FSTL1: variants seen among roughly 807,000 people sequenced by gnomAD.
FSTL1 encodes follistatin like 1.
FSTL1 carries 24 observed loss-of-function variants against 45.9 expected under a neutral mutation model. That is an observed-to-expected ratio of 0.52 (90% CI 0.38 to 0.74). The LOEUF (loss-of-function observed/expected upper bound fraction) is 0.74, where lower values mean the gene tolerates loss of function less well. Ranked by LOEUF, FSTL1 falls within the 30% of genes least tolerant of loss-of-function variation. The pLI is 0.00. For synonymous variants in FSTL1, 120 were observed against 137.6 expected (o/e 0.87, Z 0.89); for missense variants, 340 against 381.8 (o/e 0.89, Z 0.91).
At chr3:120,425,517 G>A (rs958273108) in intron 2 of FSTL1, among the ~76,000 whole-genome samples, 2 of 152,182 alleles carry the variant, frequency 1.3e-5, no homozygotes, top group Admixed American at 6.5e-5. Flanking sequence ...AACATATGGT[G>A]TGACATGGGG....
chr3:120,420,513 G>A (rs994420954), intron 2 of FSTL1, among the ~76,000 whole-genome samples: 6 of 152,070 alleles, frequency 3.9e-5, no homozygotes, highest in Admixed American at 3.9e-4. Flanking sequence ...TTTTCATTTC[G>A]TGTGTTGCAA....
intron 2 of FSTL1, among the ~76,000 whole-genome samples, chr3:120,440,390 G>A (rs1937616123): frequency 6.6e-6 from 1 of 152,240 alleles, no homozygotes; most frequent in African/African-American, 2.4e-5. Flanking sequence ...TTACCTAGCA[G>A]AAGTGTCTTT....
chr3:120,425,408 A>G (rs1371489685), intron 2 of FSTL1, among the ~76,000 whole-genome samples: 1 of 152,054 alleles, frequency 6.6e-6, no homozygotes, highest in East Asian at 1.9e-4. Flanking sequence ...AACCTGAACT[A>G]GTAACCTGGA....
chr3:120,420,482 TC>T (rs1297488025), intron 2 of FSTL1, among the ~76,000 whole-genome samples: 1 of 152,178 alleles, frequency 6.6e-6, no homozygotes, highest in Non-Finnish European at 1.5e-5. Flanking sequence ...TGCATCATCT[TC>T]CTGACCAGTC....
At chr3:120,413,228 G>T (rs990186674) in intron 3 of FSTL1, among the ~76,000 whole-genome samples, 13 of 152,314 alleles carry the variant, frequency 8.5e-5, no homozygotes, top group African/African-American at 3.1e-4. Flanking sequence ...CAGAGCACTG[G>T]AAGTGGATGG....
intron 5 of FSTL1, 142 bp downstream of exon 5, chr3:120,410,810 G>A (rs1160970609): frequency 2.6e-6 from 2 of 775,642 alleles, no homozygotes; most frequent in Non-Finnish European, 4.7e-6. Context: ...TCTGAGCTGT[G>A]TTGAGGAGTG....
At chr3:120,423,163 AT>A (rs1241315964) in intron 2 of FSTL1, 1 of 152,016 alleles carries the variant, frequency 6.6e-6, no homozygotes, top group East Asian at 1.9e-4. Flanking sequence ...CATTTTCTTT[AT>A]TATTTTACAG....
Position 120,399,902 on chromosome 3 carries a change from T to C in FSTL1, c.863A>G (p.Gln288Arg), listed in dbSNP as rs1219112208. 6.2e-7 allele frequency: 1 copy of C among 1,606,694 alleles called. No homozygotes were observed. Among genetic ancestry groups the C allele is most frequent in the East Asian group, 2.2e-5 (1 of 44,816 alleles). Residue 288 changes from glutamine (Q) to arginine (R), a missense_variant, in exon 10 of 11, where the codon CAG becomes CGG. Transcript: ENST00000295633. ...ACTCACCTGATGCTTTTGGAGCTCC[T>C]GGACATATCTGGTCATCTCCTCCTC... ...QTEEEMTRYV[Q>R]ELQKHQETAE...
rs1024959107 is a variant in FSTL1, at chr3:120,444,954, G to A, written c.63+5730C>T. ...ATGATTTATTTAACCCTTCTCCTAC[G>A]GTTGACTATGTAGTCAATGTTAAGT... On this transcript the variant is annotated intron_variant, in intron 2 of 10. Transcript: ENST00000295633. 2.0e-5 allele frequency among the ~76,000 whole-genome samples: 3 copies of A among 149,650 alleles called. 1 individual carries two copies. The highest frequency in any genetic ancestry group is 5.1e-5 in the African/African-American group (2 of 39,060).
chr3:120,407,620 T>A (rs1371677814), intron 6 of FSTL1, among the ~76,000 whole-genome samples: 1 of 152,234 alleles, frequency 6.6e-6, no homozygotes, highest in African/African-American at 2.4e-5. Context: ...CATAACAGTC[T>A]CTTTGAGATA....
chr3:120,434,531 A>G (rs937362080), intron 2 of FSTL1, among the ~76,000 whole-genome samples: 1 of 152,214 alleles, frequency 6.6e-6, no homozygotes, highest in African/African-American at 2.4e-5. Flanking sequence ...TGAAATATTT[A>G]TGGCCTTTTT....
At chr3:120,438,335 T>C (rs1253395743) in intron 2 of FSTL1, 1 of 152,206 alleles carries the variant, frequency 6.6e-6, no homozygotes, top group Non-Finnish European at 1.5e-5. Context: ...CCCAGTGTTG[T>C]TGAGCGGTTG....
At chr3:120,412,097 A>C in intron 3 of FSTL1, 114 bp from the exon 4 acceptor site, 2 of 1,015,966 alleles carry the variant, frequency 2.0e-6, no homozygotes, top group Non-Finnish European at 2.9e-6. Context: ...GGGACTCTCC[A>C]CCACCAGAGA....
At chr3:120,431,486 T>C (rs1258177164) in intron 2 of FSTL1, among the ~76,000 whole-genome samples, 4 of 152,184 alleles carry the variant, frequency 2.6e-5, no homozygotes, top group Non-Finnish European at 5.9e-5. Flanking sequence ...AAGTGCTCAA[T>C]AGCCACTGCA....
At chr3:120,422,138 C>A (rs1259296) in intron 2 of FSTL1, among the ~76,000 whole-genome samples, 89,854 of 152,022 alleles carry the variant, frequency 0.59, 28,806 homozygotes, top group Middle Eastern at 0.73. Flanking sequence ...TCAGCTTCCC[C>A]CAGACCCACC....
At chr3:120,442,807 AAAAG>A (rs1559745452) in intron 2 of FSTL1, among the ~76,000 whole-genome samples, 1 of 147,348 alleles carries the variant, frequency 6.8e-6, no homozygotes, top group African/African-American at 2.6e-5. Flanking sequence ...AAAAAAAAAA[AAAAG>A]CAGACTTGGA....
At chr3:120,428,283 T>G (rs866871803) in intron 2 of FSTL1, among the ~76,000 whole-genome samples, 1 of 152,164 alleles carries the variant, frequency 6.6e-6, no homozygotes, top group African/African-American at 2.4e-5. Flanking sequence ...TCCCCTTGGA[T>G]TGGGCACATT....
rs796482251 is a variant in FSTL1, at chr3:120,403,980, AAAC to A, written c.582-629_582-627del. 2.5e-3 allele frequency among the ~76,000 whole-genome samples: 299 copies of A among 118,974 alleles called. 1 individual carries two copies. Among genetic ancestry groups the A allele is most frequent in the African/African-American group, 9.0e-3 (254 of 28,176 alleles). The allele number at this position is 118,974 out of a possible 152,430, so 78.1% of individuals were successfully genotyped here. ...ACAAAACAAAAACAAAAACAAAAAA[AAAC>A]AAAAAACAAAACAAACAAAAAAAAA... On this transcript the variant is annotated intron_variant, in intron 7 of 10. Coordinates refer to ENST00000295633, the MANE Select transcript of FSTL1 (RefSeq NM_007085.5).
chr3:120,410,912 C>T (rs762563681), intron 5 of FSTL1, 40 bp downstream of exon 5: 1 of 1,486,806 alleles, frequency 6.7e-7, no homozygotes, highest in Non-Finnish European at 9.4e-7. Flanking sequence ...AAAAGAATGT[C>T]CTCCCTGAGA....
Sources: allele counts gnomAD v4.1 joint callset (sites outside exome capture counted in the v4.1 genomes callset), GRCh38; gene constraint gnomAD v4.1.1; transcripts MANE v1.5; gene names NCBI Gene and HGNC (gene_info 2026-07-23, HGNC 2026-07-21).